ALK: variants seen among roughly 807,000 people sequenced by gnomAD.
The protein encoded by ALK is ALK tyrosine kinase receptor.
ALK carries 74 observed loss-of-function variants against 163.1 expected under a neutral mutation model. That is an observed-to-expected ratio of 0.45 (90% confidence interval 0.38 to 0.55). ALK has a LOEUF of 0.55. ALK is among the 20% of genes least tolerant of loss of function. ALK has a pLI of 0.00. For missense variants in ALK, 2,063 were observed against 2,105.3 expected, an observed-to-expected ratio of 0.98 and a Z score of 0.39; for synonymous variants, 960 against 843.2, an observed-to-expected ratio of 1.14 and a Z score of -2.40.
intron 3 of ALK, among the ~76,000 whole-genome samples, chr2:29,590,369 A>T (rs1358507965): frequency 6.6e-6 from 1 of 151,496 alleles, no homozygotes; most frequent in Non-Finnish European, 1.5e-5. Flanking sequence ...TTAAAGGTTA[A>T]AAAAATTTTT....
chr2:29,205,788 A>G (rs1669295031), intron 26 of ALK, among the ~76,000 whole-genome samples: 1 of 151,988 alleles, frequency 6.6e-6, no homozygotes, highest in South Asian at 2.1e-4. Flanking sequence ...CCTCAACTTC[A>G]TCACATCTGC....
chr2:29,650,099 G>C (rs976507398), intron 3 of ALK, among the ~76,000 whole-genome samples: 1 of 152,162 alleles, frequency 6.6e-6, no homozygotes, highest in Non-Finnish European at 1.5e-5. Flanking sequence ...AGTAACAAGA[G>C]ATTGCAGATG....
At chr2:29,889,837 A>G (rs911385854) in intron 1 of ALK, among the ~76,000 whole-genome samples, 5 of 150,890 alleles carry the variant, frequency 3.3e-5, no homozygotes, top group African/African-American at 9.8e-5. Flanking sequence ...GTCCTGGATG[A>G]CTGTGTAGTC....
chr2:29,677,024 AT>A (rs1034656355), intron 3 of ALK, among the ~76,000 whole-genome samples: 1 of 151,712 alleles, frequency 6.6e-6, no homozygotes, highest in African/African-American at 2.4e-5. Context: ...ATTAGCTTTC[AT>A]TTTTTGTGAA....
chr2:29,681,645 C>T (rs1181988440), intron 3 of ALK, among the ~76,000 whole-genome samples: 1 of 152,134 alleles, frequency 6.6e-6, no homozygotes, highest in Admixed American at 6.5e-5. Flanking sequence ...GGAATATATG[C>T]AGCCATAAAT....
intron 9 of ALK, among the ~76,000 whole-genome samples, chr2:29,278,949 G>T (rs544881022): frequency 2.0e-5 from 3 of 149,612 alleles, no homozygotes; most frequent in African/African-American, 4.9e-5. Flanking sequence ...GGCCAGAGGG[G>T]CTTGAGCGAG....
At chr2:29,569,300 G>GAGCAGC (rs6146696) in intron 3 of ALK, among the ~76,000 whole-genome samples, 12 of 151,134 alleles carry the variant, frequency 7.9e-5, no homozygotes, top group Non-Finnish European at 1.3e-4. Context: ...GCTGCAGCAG[G>GAGCAGC]AGCAGCAGCA....
chr2:29,619,540 C>G (rs1391674817), intron 3 of ALK, among the ~76,000 whole-genome samples: 1 of 152,126 alleles, frequency 6.6e-6, no homozygotes, highest in Non-Finnish European at 1.5e-5. Context: ...ATTGAAAGGG[C>G]CTCTTCAGTG....
intron 4 of ALK, among the ~76,000 whole-genome samples, chr2:29,458,749 G>T (rs1573372243): frequency 1.3e-5 from 2 of 152,128 alleles, no homozygotes; most frequent in South Asian, 4.1e-4. Flanking sequence ...CCTGGTGCTG[G>T]AGAAAATTGT....
intron 3 of ALK, among the ~76,000 whole-genome samples, chr2:29,651,921 G>A (rs1045234675): frequency 2.6e-5 from 4 of 152,142 alleles, no homozygotes; most frequent in African/African-American, 9.7e-5. Context: ...AAGTGTGCAT[G>A]TATGCAAGGG....
intron 3 of ALK, among the ~76,000 whole-genome samples, chr2:29,641,023 A>G (rs1235464152): frequency 6.6e-6 from 1 of 152,160 alleles, no homozygotes; most frequent in Non-Finnish European, 1.5e-5. Flanking sequence ...AGCTGAAAAC[A>G]GTATAGTGCT....
chr2:29,667,828 C>G (rs1296834523), intron 3 of ALK, among the ~76,000 whole-genome samples: 2 of 152,180 alleles, frequency 1.3e-5, no homozygotes, highest in South Asian at 4.1e-4. Context: ...ATTCCCTCCT[C>G]TTCAATTTTT....
At chr2:29,305,245 GC>G (rs1481935409) in intron 8 of ALK, among the ~76,000 whole-genome samples, 1 of 152,228 alleles carries the variant, frequency 6.6e-6, no homozygotes. Context: ...GCTGCCGTCA[GC>G]TAAGGGCCTT....
chr2:29,640,617 T>C (rs1167501393), intron 3 of ALK, among the ~76,000 whole-genome samples: 2 of 152,192 alleles, frequency 1.3e-5, no homozygotes, highest in Non-Finnish European at 2.9e-5. Context: ...ACCTCTTTTC[T>C]TATAAATTAT....
intron 1 of ALK, among the ~76,000 whole-genome samples, chr2:29,780,526 A>C (rs988082407): frequency 2.6e-5 from 4 of 152,240 alleles, no homozygotes; most frequent in Non-Finnish European, 4.4e-5. Context: ...TTCAAAGGGC[A>C]AAGCTTATTT....
At chr2:29,294,530 CTG>C in intron 9 of ALK, among the ~76,000 whole-genome samples, 1 of 152,280 alleles carries the variant, frequency 6.6e-6, no homozygotes. Context: ...TAAGAGGAGA[CTG>C]TGTTGTCTGT....
intron 4 of ALK, among the ~76,000 whole-genome samples, chr2:29,399,865 T>C (rs1042460486): frequency 6.6e-6 from 1 of 152,202 alleles, no homozygotes; most frequent in Non-Finnish European, 1.5e-5. Flanking sequence ...TGCAAGACTC[T>C]TCCCATTTTA....
intron 11 of ALK, among the ~76,000 whole-genome samples, chr2:29,255,828 T>C (rs1241546954): frequency 6.6e-6 from 1 of 152,198 alleles, no homozygotes; most frequent in Non-Finnish European, 1.5e-5. Context: ...TATTCTGTTT[T>C]ATCTATAGTG....
intron 9 of ALK, among the ~76,000 whole-genome samples, chr2:29,291,354 G>T (rs1037897400): frequency 6.6e-6 from 1 of 151,932 alleles, no homozygotes; most frequent in Admixed American, 6.6e-5. Context: ...ACAGAGTGAG[G>T]CCTTGTCTCT....
Sources: gnomAD v4.1 joint callset for allele counts (sites outside exome capture counted in the v4.1 genomes callset) on GRCh38, gnomAD v4.1.1 for gene constraint, MANE v1.5 for transcripts, NCBI Gene and HGNC (gene_info 2026-07-23, HGNC 2026-07-21) for gene names.